Variants in SERPINB8 observed in about 807,000 individuals in gnomAD.
SERPINB8 encodes serpin family B member 8, also known as serpin B8.
In SERPINB8, 25 loss-of-function variants were observed where a neutral mutation model predicts 35.3. That is an observed-to-expected ratio of 0.71 (90% CI 0.52 to 0.99). The LOEUF is 0.99. Ranked by LOEUF, SERPINB8 falls within the 50% of genes least tolerant of loss-of-function variation. The pLI, the probability that SERPINB8 is intolerant of heterozygous loss-of-function variation, is 0.00. For missense variants in SERPINB8, 484 were observed against 446.5 expected (o/e 1.08, Z -0.76); for synonymous variants, 186 against 160.8 (o/e 1.16, Z -1.19).
intron 1 of SERPINB8, among the ~76,000 whole-genome samples, chr18:63,974,624 A>G (rs958458117): frequency 6.6e-6 from 1 of 152,228 alleles, no homozygotes; most frequent in Non-Finnish European, 1.5e-5. Flanking sequence ...TTATAACACA[A>G]TCTAATTGTG....
exon 8 of SERPINB8, chr18:64,019,190 T>C (rs1201082330): frequency 6.6e-6 from 1 of 152,274 alleles, no homozygotes; most frequent in East Asian, 1.9e-4. Flanking sequence ...CCTCCTGTGA[T>C]TCCAGTCTGT....
downstream of SERPINB8, among the ~76,000 whole-genome samples, chr18:64,009,208 A>G (rs986814496): frequency 6.6e-6 from 1 of 152,192 alleles, no homozygotes; most frequent in Non-Finnish European, 1.5e-5. Context: ...ACCAAAATAA[A>G]TGGAGCTATT....
chr18:63,977,477 G>C (rs538852704), intron 1 of SERPINB8, among the ~76,000 whole-genome samples: 1 of 152,016 alleles, frequency 6.6e-6, no homozygotes, highest in African/African-American at 2.4e-5. Flanking sequence ...ACAGGTGCCC[G>C]CCACCATGCC....
intron 7 of SERPINB8, among the ~76,000 whole-genome samples, chr18:64,013,068 CT>C (rs1211940791): frequency 6.6e-6 from 1 of 152,136 alleles, no homozygotes; most frequent in Admixed American, 6.6e-5. Flanking sequence ...TTAAGAATTA[CT>C]TTCCAAAGAA....
At chr18:63,978,268 T>C (rs1253581953) in intron 1 of SERPINB8, 31 bp from the exon 2 acceptor site, 1 of 1,613,536 alleles carries the variant, frequency 6.2e-7, no homozygotes, top group South Asian at 1.1e-5. Context: ...CATTGGCTTA[T>C]GTGCTTTTCC....
intron 7 of SERPINB8, among the ~76,000 whole-genome samples, chr18:64,012,894 C>T (rs575633640): frequency 1.1e-4 from 17 of 152,068 alleles, no homozygotes; most frequent in Non-Finnish European, 2.2e-4. Flanking sequence ...ACAAATATGT[C>T]GACCTGCATG....
rs182999464 is a variant in SERPINB8 at position 63,985,046 on chromosome 18, T to C, written c.568-47T>C. On this transcript the variant is annotated intron_variant, in intron 5 of 6. Transcript: ENST00000397985. ...TGAGTTAGATATATCCTATTTTTAG[T>C]AAATTATACCCACTTTTCAGTAATC... The C allele has an allele frequency of 5.3e-4, 848 of 1,597,334 alleles. 7 individuals are homozygous for C. In the African/African-American group the frequency reaches 0.01, roughly 20 times the overall value.
Position 63,987,331 on chromosome 18 carries a change from A to G in SERPINB8, c.*53A>G, listed in dbSNP as rs2144825137. ...CTTTCCTTCTACCTATCTTGCCTTA[A>G]TTAACATTCCCTGTGACCTAGTTGG... On this transcript the variant is annotated 3_prime_UTR_variant, in exon 7 of 7. Coordinates refer to ENST00000397985, the MANE Select transcript of SERPINB8 (RefSeq NM_002640.4). 1 of 1,538,584 alleles carries G rather than the reference A, an allele frequency of 6.5e-7. No individual in the cohort carries two copies. Among genetic ancestry groups the G allele is most frequent in the Non-Finnish European group, 8.8e-7 (1 of 1,137,548 alleles).
chr18:63,974,232 T>C (rs1038192679), intron 1 of SERPINB8, among the ~76,000 whole-genome samples: 1 of 152,230 alleles, frequency 6.6e-6, no homozygotes, highest in Non-Finnish European at 1.5e-5. Context: ...GGCTTGAAAC[T>C]ACGCATTTCC....
In SERPINB8 at chr18:63,970,148, G is replaced by GGCGGCGGCAGCA. The variant is rs755147686; in HGVS notation, c.-31_-30insGGCGGCAGCAGC. The GGCGGCGGCAGCA allele has an allele frequency of 2.8e-5, 10 of 358,812 alleles. No individual in the cohort carries two copies. The highest frequency in any genetic ancestry group is 1.3e-4 in the African/African-American group (6 of 44,852). The allele number at this position is 358,812 out of a possible 1,614,324, so 22.2% of individuals were successfully genotyped here. On this transcript the variant is annotated 5_prime_UTR_variant, in exon 1 of 7. Transcript: ENST00000397985. ...AAGCAGCAGCGGCGGCGGCGGCGGCGGCAGCAGCAGCAGCAGCAGGAGGTG... is the reference window on the plus strand; with the variant it reads ...AAGCAGCAGCGGCGGCGGCGGCGGCGGCGGCGGCAGCAGCAGCAGCAGCAGCAGCAGGAGGTG...
chr18:63,982,260 C>T (rs1313588839), intron 4 of SERPINB8, among the ~76,000 whole-genome samples: 4 of 152,134 alleles, frequency 2.6e-5, no homozygotes, highest in Admixed American at 1.3e-4. Context: ...GCAGCCTTCT[C>T]CTTCCTTTTT....
rs1302675742 is a variant in SERPINB8, at chr18:63,986,892, T to C, written c.739T>C (p.Tyr247His). ...DLAVVEKALTYEKFKAWTNSE... is the reference protein window; with the variant it reads ...DLAVVEKALTHEKFKAWTNSE... ...ATCCTAGGTGGAAAAAGCACTTACATATGAGAAATTCAAAGCCTGGACAAA... is the reference window on the plus strand; with the variant it reads ...ATCCTAGGTGGAAAAAGCACTTACACATGAGAAATTCAAAGCCTGGACAAA... The change falls in exon 7 of 7, where the codon TAT (tyrosine) becomes CAT (histidine). Residue 247 changes from tyrosine to histidine, a missense_variant. Physicochemically the swap from Tyr to His is moderately conservative, Grantham distance 83 (BLOSUM62 2). Coordinates refer to ENST00000397985, the MANE Select transcript of SERPINB8 (RefSeq NM_002640.4). The C allele has an allele frequency of 2.5e-6, 4 of 1,610,578 alleles. No individual in the cohort carries two copies. Among genetic ancestry groups the C allele is most frequent in the Non-Finnish European group, 3.4e-6 (4 of 1,178,970 alleles).
At position 63,986,858 on chromosome 18, in the gene SERPINB8, G is replaced by A. The variant is rs762150899; in HGVS notation, c.721-16G>A. The A allele has an allele frequency of 4.4e-6, 7 of 1,584,264 alleles. No individual in the cohort carries two copies. The highest frequency in any genetic ancestry group is 1.2e-5 in the South Asian group (1 of 84,900). ...TTGTCATCTAAATTTTAAGGTTTGA[G>A]TCTTTCTTATCCTAGGTGGAAAAAG... On this transcript the variant is annotated splice_polypyrimidine_tract_variant and intron_variant, in intron 6 of 6. Coordinates refer to ENST00000397985, the MANE Select transcript of SERPINB8 (RefSeq NM_002640.4).
chr18:64,016,498 G>A (rs1041243748), intron 7 of SERPINB8, among the ~76,000 whole-genome samples: 6 of 152,120 alleles, frequency 3.9e-5, no homozygotes, highest in Non-Finnish European at 8.8e-5. Flanking sequence ...ATCAACATGG[G>A]AGGAAGAGAT....
chr18:63,993,145 G>A (rs2050832931), downstream of SERPINB8, among the ~76,000 whole-genome samples: 1 of 151,706 alleles, frequency 6.6e-6, no homozygotes, highest in Non-Finnish European at 1.5e-5. Flanking sequence ...TTTTTAAGGT[G>A]AAACAGGTAA....
chr18:63,984,597 T>A (rs925338020), intron 5 of SERPINB8, among the ~76,000 whole-genome samples: 3 of 152,236 alleles, frequency 2.0e-5, no homozygotes, highest in Admixed American at 6.5e-5. Flanking sequence ...ATGCAGGCTT[T>A]AAAAACAGCA....
chr18:63,990,642 A>G (rs1250511777), downstream of SERPINB8, among the ~76,000 whole-genome samples: 1 of 151,862 alleles, frequency 6.6e-6, no homozygotes, highest in Non-Finnish European at 1.5e-5. Flanking sequence ...CTTTAGGTGT[A>G]TCTCCTAATG....
Position 63,978,284 on chromosome 18 carries a change from G to A in SERPINB8, c.-10-15G>A, listed in dbSNP as rs757294739. ...ATTGGCTTATGTGCTTTTCCCTGCT[G>A]TGCCTTTGATGCAGACCTTCTCTGA... On this transcript the variant is annotated splice_polypyrimidine_tract_variant and intron_variant, in intron 1 of 6. Transcript: ENST00000397985. The A allele has an allele frequency of 3.3e-5, 53 of 1,613,952 alleles. No homozygotes were observed. Among genetic ancestry groups the A allele is most frequent in the Non-Finnish European group, 4.4e-5 (52 of 1,179,980 alleles).
downstream of SERPINB8, among the ~76,000 whole-genome samples, chr18:64,009,545 T>C (rs891060852): frequency 1.3e-5 from 2 of 152,222 alleles, no homozygotes; most frequent in Non-Finnish European, 2.9e-5. Flanking sequence ...GTTCTCTTCA[T>C]ATGTGGAAAT....
Sources: gnomAD v4.1 joint callset for allele counts (sites outside exome capture counted in the v4.1 genomes callset) on GRCh38, gnomAD v4.1.1 for gene constraint, MANE v1.5 for transcripts, NCBI Gene and HGNC (gene_info 2026-07-23, HGNC 2026-07-21) for gene names.